The following OAF variants were observed in gnomAD, a reference collection of about 807,000 sequenced individuals.
The protein encoded by OAF is out at first homolog.
OAF carries 13 observed loss-of-function variants against 22.5 expected under a neutral mutation model. That is an observed-to-expected ratio of 0.58 (90% confidence interval 0.38 to 0.92). The LOEUF (loss-of-function observed/expected upper bound fraction) is 0.92, where lower values mean the gene tolerates loss of function less well. Among genes scored for constraint, OAF ranks in the 40% least tolerant of loss-of-function variants. OAF has a pLI of 0.00. For synonymous variants in OAF, 175 were observed against 170.5 expected, an observed-to-expected ratio of 1.03 and a Z score of -0.21; for missense variants, 347 against 381.8, an observed-to-expected ratio of 0.91 and a Z score of 0.76.
At position 120,211,240 on chromosome 11, in the gene OAF, C is replaced by CGCGGCGCGCCGGGGCCGCGGACGGCA. The variant is rs1938138475; in HGVS notation, c.-34_-9dup. The CGCGGCGCGCCGGGGCCGCGGACGGCA allele has an allele frequency of 8.6e-7, 1 of 1,164,896 alleles. No homozygotes were observed. The highest frequency in any genetic ancestry group is 1.6e-5 in the African/African-American group (1 of 61,748). 72.2% of individuals were successfully genotyped at this position (1,164,896 alleles called of 1,614,324 possible). The stretch of plus-strand genomic sequence containing the variant: ...TTGCCTGCGCCTCTCCCCGCCCCCA[C>CGCGGCGCGCCGGGGCCGCGGACGGCA]GCGGCGCGCCGGGGCCGCGGACGGC... On this transcript the variant is annotated 5_prime_UTR_variant, in exon 1 of 4. Coordinates refer to ENST00000328965, the MANE Select transcript of OAF (RefSeq NM_178507.4).
chr11:120,211,781 A>G (rs1351554384), intron 1 of OAF, among the ~76,000 whole-genome samples: 1 of 152,092 alleles, frequency 6.6e-6, no homozygotes, highest in East Asian at 1.9e-4. Context: ...AACTCCTACT[A>G]ACGACTGGAC....
chr11:120,219,473 A>T (rs553910978), intron 1 of OAF, among the ~76,000 whole-genome samples: 24 of 152,250 alleles, frequency 1.6e-4, no homozygotes, highest in Non-Finnish European at 2.9e-4. Flanking sequence ...GGCTGGTGTG[A>T]CAGCCCCGCT....
chr11:120,227,284 A>AC, intron 3 of OAF, among the ~76,000 whole-genome samples: 2 of 151,984 alleles, frequency 1.3e-5, no homozygotes, highest in South Asian at 4.2e-4. Flanking sequence ...TCAGGGAGGG[A>AC]CCCCCAAACC....
chr11:120,228,825 T>TACC, intron 3 of OAF, 43 bp from the exon 4 acceptor site: 4 of 434,174 alleles, frequency 9.2e-6, no homozygotes, highest in East Asian at 5.5e-5. Context: ...GCTCCTTCCC[T>TACC]CCCTCCCTCC....
chr11:120,211,705 C>T (rs1371866486), intron 1 of OAF, among the ~76,000 whole-genome samples, 195 bp downstream of exon 1: 3 of 152,178 alleles, frequency 2.0e-5, no homozygotes, highest in Non-Finnish European at 4.4e-5. Context: ...AAGAACCCCT[C>T]TGCTTCCCTT....
chr11:120,226,834 C>T lies in OAF; in HGVS notation c.385C>T (p.Arg129Trp), dbSNP rs200957652. The T allele has an allele frequency of 5.6e-6, 9 of 1,599,440 alleles. No homozygotes were observed. The Admixed American group carries it at 6.7e-5, about 12-fold the overall frequency. Reference sequence around the variant, plus strand: ...CACACAGAAAAATCCCCGGGCAGTGCGGCAGGCGGAGGAGGTTCGGGGTCT... The same window carrying T: ...CACACAGAAAAATCCCCGGGCAGTGTGGCAGGCGGAGGAGGTTCGGGGTCT... ...KLRQKNPRAV[R>W]QAEEVRGLEH... is the part of the protein sequence containing the mutation. The change falls in exon 3 of 4, where the codon CGG (arginine) becomes TGG (tryptophan). Residue 129 changes from arginine to tryptophan, a missense_variant. Coordinates refer to ENST00000328965, the MANE Select transcript of OAF (RefSeq NM_178507.4).
intron 1 of OAF, 118 bp downstream of exon 1, chr11:120,211,628 G>A (rs1398553108): frequency 5.5e-5 from 33 of 595,434 alleles, no homozygotes; most frequent in Non-Finnish European, 8.0e-5. Context: ...GCTGGCCCAA[G>A]GTCACGCCGG....
chr11:120,223,371 C>T (rs544701419), intron 1 of OAF, among the ~76,000 whole-genome samples: 4 of 152,300 alleles, frequency 2.6e-5, no homozygotes, highest in Admixed American at 6.5e-5. Context: ...AATCATAGCT[C>T]CTACCGCCTG....
At chr11:120,225,266 A>G (rs1291323502) in intron 1 of OAF, among the ~76,000 whole-genome samples, 1 of 151,782 alleles carries the variant, frequency 6.6e-6, no homozygotes, top group African/African-American at 2.4e-5. Context: ...AGCCATTACA[A>G]CTACAAAGAA....
chr11:120,221,311 G>A (rs1475296892), intron 1 of OAF, among the ~76,000 whole-genome samples: 5 of 152,216 alleles, frequency 3.3e-5, no homozygotes, highest in Non-Finnish European at 7.3e-5. Flanking sequence ...CTGATTGGCT[G>A]ATTACTTGCA....
chr11:120,229,303 G>C lies in OAF; in HGVS notation c.*161G>C, dbSNP rs1442941418. 1.5e-6 allele frequency: 1 copy of C among 675,560 alleles called. No homozygotes were observed. Among genetic ancestry groups the C allele is most frequent in the Non-Finnish European group, 2.5e-6 (1 of 405,558 alleles). The allele number at this position is 675,560 out of a possible 1,614,324, so 41.8% of individuals were successfully genotyped here. On this transcript the variant is annotated 3_prime_UTR_variant, in exon 4 of 4. Transcript: ENST00000328965. Reference sequence around the variant, plus strand: ...GCCCCATCTCACATGACTGTGAAGGGGGTGTGGCATGGCAGGGGGTCTCAT... The same window carrying C: ...GCCCCATCTCACATGACTGTGAAGGCGGTGTGGCATGGCAGGGGGTCTCAT...
chr11:120,212,058 G>C (rs1938156525), intron 1 of OAF, among the ~76,000 whole-genome samples: 1 of 152,144 alleles, frequency 6.6e-6, no homozygotes, highest in Admixed American at 6.5e-5. Flanking sequence ...TCTCAAGCCG[G>C]GAGAAGCCCT....
At chr11:120,223,142 G>C (rs1161074451) in intron 1 of OAF, among the ~76,000 whole-genome samples, 1 of 152,208 alleles carries the variant, frequency 6.6e-6, no homozygotes, top group Admixed American at 6.5e-5. Context: ...CTGCTGGCCA[G>C]CTCAGGCATC....
rs373456566 is a variant in OAF at position 120,228,865 on chromosome 11, C to A, written c.548-3C>A. On this transcript the variant is annotated splice_region_variant and splice_polypyrimidine_tract_variant and intron_variant, in intron 3 of 3. Transcript: ENST00000328965. The stretch of plus-strand genomic sequence containing the variant: ...CTCCCTGATCCTTGCCTCTCTCCCC[C>A]AGGTGTGGACAGTTCTGTGTTCGAG... The A allele has an allele frequency of 6.3e-5, 99 of 1,561,266 alleles. 1 individual carries two copies. In the African/African-American group the frequency reaches 9.2e-4, roughly 15 times the overall value.
At chr11:120,228,824 C>CAACCAAA in intron 3 of OAF, 44 bp from the exon 4 acceptor site, 3 of 519,062 alleles carry the variant, frequency 5.8e-6, no homozygotes, top group Non-Finnish European at 1.1e-5. Context: ...AGCTCCTTCC[C>CAACCAAA]TCCCTCCCTC....
In OAF at chr11:120,226,843, G is replaced by A. The variant is rs753552892; in HGVS notation, c.394G>A (p.Glu132Lys). ...AAATCCCCGGGCAGTGCGGCAGGCG[G>A]AGGAGGTTCGGGGTCTGGAGCATCT... is the stretch of plus-strand genomic sequence containing the variant. ...QKNPRAVRQA[E>K]EVRGLEHLHM... is the part of the protein sequence containing the mutation. The change falls in exon 3 of 4, where the codon GAG becomes AAG. Residue 132 changes from glutamate to lysine, a missense_variant. Glu to Lys is a moderately conservative substitution (Grantham distance 56, BLOSUM62 1). Transcript: ENST00000328965. The A allele has an allele frequency of 1.2e-6, 2 of 1,606,236 alleles. No homozygotes were observed. Among genetic ancestry groups the A allele is most frequent in the Admixed American group, 3.4e-5 (2 of 59,676 alleles).
chr11:120,225,078 C>T (rs1169995543), intron 1 of OAF, among the ~76,000 whole-genome samples: 3 of 152,150 alleles, frequency 2.0e-5, no homozygotes, highest in Non-Finnish European at 4.4e-5. Flanking sequence ...ATCCTAGCTC[C>T]CTCAGGCCGG....
chr11:120,227,223 T>C (rs1289050370), intron 3 of OAF, among the ~76,000 whole-genome samples: 4 of 152,072 alleles, frequency 2.6e-5, no homozygotes, highest in Non-Finnish European at 5.9e-5. Flanking sequence ...CCCAGCAGGG[T>C]AGATCTGCAC....
chr11:120,225,514 GAT>G (rs1591360573), intron 1 of OAF, 145 bp from the exon 2 acceptor site: 3 of 620,192 alleles, frequency 4.8e-6, no homozygotes, highest in Non-Finnish European at 7.9e-6. Context: ...AAACGGAAAA[GAT>G]AAAAATTCCT....
Sources: allele counts gnomAD v4.1 joint callset (sites outside exome capture counted in the v4.1 genomes callset), GRCh38; gene constraint gnomAD v4.1.1; transcripts MANE v1.5; gene names NCBI Gene and HGNC (gene_info 2026-07-23, HGNC 2026-07-21).